ANKRD44: variants seen among roughly 807,000 people sequenced by gnomAD.
The protein encoded by ANKRD44 is ankyrin repeat domain 44, also known as serine/threonine-protein phosphatase 6 regulatory ankyrin repeat subunit B.
In ANKRD44, 35 loss-of-function variants were observed where a neutral mutation model predicts 116.0. That is an observed-to-expected ratio of 0.30 (90% CI 0.23 to 0.40). The LOEUF (loss-of-function observed/expected upper bound fraction) is 0.40, where lower values mean the gene tolerates loss of function less well. Ranked by LOEUF, ANKRD44 falls within the 10% of genes least tolerant of loss-of-function variation. The pLI is 1.00. For synonymous variants in ANKRD44, 435 were observed against 461.8 expected, an observed-to-expected ratio of 0.94 and a Z score of 0.74; for missense variants, 1,014 against 1,242.6, an observed-to-expected ratio of 0.82 and a Z score of 2.77.
intron 10 of ANKRD44, among the ~76,000 whole-genome samples, chr2:197,093,304 C>G (rs1308174490): frequency 1.3e-5 from 2 of 152,082 alleles, no homozygotes; most frequent in African/African-American, 4.8e-5. Context: ...GGTAGTATAA[C>G]AGCAACAATA....
intron 2 of ANKRD44, among the ~76,000 whole-genome samples, chr2:197,180,162 C>G (rs1330586497): frequency 6.6e-6 from 1 of 151,950 alleles, no homozygotes; most frequent in African/African-American, 2.4e-5. Context: ...GGCTTCGCAA[C>G]CATGGCATTT....
At chr2:197,210,994 C>G (rs986880825) in intron 1 of ANKRD44, among the ~76,000 whole-genome samples, 1 of 152,138 alleles carries the variant, frequency 6.6e-6, no homozygotes, top group Non-Finnish European at 1.5e-5. Context: ...AGTATGTAGA[C>G]GCCACTGTGC....
At chr2:197,297,520 C>T (rs1187267376) in intron 1 of ANKRD44, among the ~76,000 whole-genome samples, 1 of 152,110 alleles carries the variant, frequency 6.6e-6, no homozygotes, top group East Asian at 1.9e-4. Context: ...AAGACTTTTC[C>T]CACTTGATTA....
chr2:197,078,685 C>A lies in ANKRD44; in HGVS notation c.1650+18G>T. On this transcript the variant is annotated intron_variant, in intron 16 of 27. Coordinates refer to ENST00000282272, the MANE Select transcript of ANKRD44 (RefSeq NM_001195144.2). ...GTGTGTGTGTGTGTGTTAGAGAAAA[C>A]AAAACAAAACAACTCACCAATTCCA... The A allele has an allele frequency of 6.2e-7, 1 of 1,602,380 alleles. No individual in the cohort carries two copies. The highest frequency in any genetic ancestry group is 8.5e-7 in the Non-Finnish European group (1 of 1,173,110).
intron 21 of ANKRD44, 116 bp from the exon 22 acceptor site, chr2:197,001,956 A>G: frequency 2.9e-6 from 2 of 682,108 alleles, no homozygotes; most frequent in Middle Eastern, 4.0e-4. Context: ...AATTGGCTGA[A>G]CATTCATTCT....
Position 197,125,964 on chromosome 2 carries a change from T to G in ANKRD44, c.335A>C (p.His112Pro). The G allele has an allele frequency of 6.2e-7, 1 of 1,614,204 alleles. No homozygotes were observed. The highest frequency in any genetic ancestry group is 8.5e-7 in the Non-Finnish European group (1 of 1,180,036). The change falls in exon 5 of 28, where the codon CAT becomes CCT. Residue 112 changes from histidine to proline, a missense_variant. Coordinates refer to ENST00000282272, the MANE Select transcript of ANKRD44 (RefSeq NM_001195144.2). ...GACAGCCTTGTTGGCTGCTGCCACA[T>G]GAAGAGGGGTCTGCCAGTTCTTGTC... ...ARDKNWQTPL[H>P]VAAANKAVKC...
chr2:197,097,994 T>A (rs2078201898), intron 10 of ANKRD44, among the ~76,000 whole-genome samples: 1 of 152,246 alleles, frequency 6.6e-6, no homozygotes, highest in Non-Finnish European at 1.5e-5. Context: ...TATGTCTTTA[T>A]AACGACTGTT....
chr2:197,052,375 T>C (rs2077124817), intron 16 of ANKRD44, among the ~76,000 whole-genome samples: 1 of 152,198 alleles, frequency 6.6e-6, no homozygotes, highest in African/African-American at 2.4e-5. Flanking sequence ...TGAAGTGCAA[T>C]AAATACCTTC....
intron 26 of ANKRD44, among the ~76,000 whole-genome samples, chr2:196,993,961 G>T (rs140914847): frequency 6.6e-6 from 1 of 152,286 alleles, no homozygotes; most frequent in African/African-American, 2.4e-5. Context: ...CTCAAGCTTT[G>T]TTGTGTTTTG....
intron 15 of ANKRD44, among the ~76,000 whole-genome samples, chr2:197,080,890 T>G: frequency 6.6e-6 from 1 of 152,126 alleles, no homozygotes; most frequent in East Asian, 1.9e-4. Flanking sequence ...TCCACAGGGG[T>G]GAGGCACAAG....
intron 16 of ANKRD44, among the ~76,000 whole-genome samples, chr2:197,027,481 G>A (rs989303091): frequency 3.3e-5 from 5 of 152,048 alleles, no homozygotes; most frequent in African/African-American, 9.7e-5. Context: ...CGGGGTCCCA[G>A]GACTGATGCC....
intron 24 of ANKRD44, 136 bp downstream of exon 24, chr2:196,998,771 A>G: frequency 8.2e-7 from 1 of 1,216,380 alleles, no homozygotes; most frequent in Non-Finnish European, 1.1e-6. Flanking sequence ...GAGCAGGTAG[A>G]ATCAGGTGAC....
At chr2:197,016,149 A>G (rs2076388830) in intron 17 of ANKRD44, 2 of 317,956 alleles carry the variant, frequency 6.3e-6, no homozygotes, top group South Asian at 2.7e-5. Flanking sequence ...ATGATCATCC[A>G]TAGTCAGAAA....
At chr2:197,179,186 G>T (rs766997813) in intron 2 of ANKRD44, among the ~76,000 whole-genome samples, 16 of 152,092 alleles carry the variant, frequency 1.1e-4, no homozygotes, top group Non-Finnish European at 1.2e-4. Context: ...TTAACATACT[G>T]TTTTGATTGC....
intron 16 of ANKRD44, among the ~76,000 whole-genome samples, chr2:197,075,056 A>T (rs2077637030): frequency 6.6e-6 from 1 of 152,128 alleles, no homozygotes; most frequent in South Asian, 2.1e-4. Context: ...ACAGGGGAGA[A>T]GATTCAGAGA....
chr2:197,227,655 G>A (rs2081751201), intron 1 of ANKRD44, among the ~76,000 whole-genome samples: 1 of 152,000 alleles, frequency 6.6e-6, no homozygotes, highest in Non-Finnish European at 1.5e-5. Flanking sequence ...TGACTTGTGA[G>A]AATAAGGCAT....
At chr2:196,967,380 T>A (rs2075681067) in exon 22 of ANKRD44, 2 of 468,856 alleles carry the variant, frequency 4.3e-6, no homozygotes, top group Non-Finnish European at 8.9e-6. Context: ...TTCTGATTCA[T>A]AATTGGTCCC....
intron 1 of ANKRD44, among the ~76,000 whole-genome samples, chr2:197,251,164 C>T (rs952356755): frequency 6.6e-5 from 10 of 152,088 alleles, no homozygotes; most frequent in African/African-American, 9.7e-5. Flanking sequence ...TTATAATACA[C>T]GTATTTACAT....
intron 1 of ANKRD44, among the ~76,000 whole-genome samples, chr2:197,307,049 C>A (rs1412826513): frequency 1.3e-5 from 2 of 152,128 alleles, no homozygotes; most frequent in African/African-American, 2.4e-5. Flanking sequence ...GAAGATACGA[C>A]CACACACTTA....
Sources: allele counts gnomAD v4.1 joint callset (sites outside exome capture counted in the v4.1 genomes callset), GRCh38; gene constraint gnomAD v4.1.1; transcripts MANE v1.5; gene names NCBI Gene and HGNC (gene_info 2026-07-23, HGNC 2026-07-21).